Variants in GPHN observed in about 807,000 individuals in gnomAD.
GPHN encodes gephyrin.
A neutral mutation model predicts 95.5 loss-of-function variants in GPHN; 17 were observed. That is an observed-to-expected ratio of 0.18 (90% confidence interval 0.12 to 0.27). The LOEUF (loss-of-function observed/expected upper bound fraction) is 0.27, where lower values mean the gene tolerates loss of function less well. Ranked by LOEUF, GPHN falls within the 10% of genes least tolerant of loss-of-function variation. The pLI is 1.00. For missense variants in GPHN, 660 were observed against 978.1 expected (o/e 0.67, Z 4.34); for synonymous variants, 320 against 322.5 (o/e 0.99, Z 0.08).
intron 18 of GPHN, among the ~76,000 whole-genome samples, chr14:67,154,813 T>TCTC (rs1337319970): frequency 2.0e-5 from 3 of 151,454 alleles, no homozygotes; most frequent in Admixed American, 2.0e-4. Flanking sequence ...TTGGACCAAT[T>TCTC]CTCCCACCAA....
At chr14:67,677,231 C>T in the GPHN span, 2 of 151,982 alleles carry the variant, frequency 1.3e-5, no homozygotes, top group Admixed American at 6.6e-5. Context: ...TTGGCACAGA[C>T]ATTTTAATCT....
chr14:66,819,031 G>A (rs1393855630), intron 3 of GPHN, among the ~76,000 whole-genome samples: 1 of 152,156 alleles, frequency 6.6e-6, no homozygotes, highest in Non-Finnish European at 1.5e-5. Context: ...CTCCCATTCT[G>A]TAGGTTGTCT....
chr14:67,380,613 G>A, the GPHN span: 2 of 1,093,572 alleles, frequency 1.8e-6, no homozygotes, highest in Non-Finnish European at 2.6e-6. Context: ...ACATTTATCA[G>A]TAATATAACC....
chr14:66,805,365 A>G (rs982978984), intron 3 of GPHN, among the ~76,000 whole-genome samples: 1 of 152,126 alleles, frequency 6.6e-6, no homozygotes, highest in Non-Finnish European at 1.5e-5. Flanking sequence ...CAATCAAACC[A>G]TATCATTTCA....
At chr14:67,528,940 T>C in the GPHN span, among the ~76,000 whole-genome samples, 42,664 of 151,964 alleles carry the variant, frequency 0.28, 6,639 homozygotes, top group South Asian at 0.36. Flanking sequence ...GAGGTTAGAT[T>C]TGGAATCACT....
the GPHN span, among the ~76,000 whole-genome samples, chr14:67,486,601 C>G: frequency 1.3e-5 from 2 of 152,140 alleles, no homozygotes. Context: ...GGGAGAGTTT[C>G]CCTGCACAAG....
chr14:67,473,186 G>A, the GPHN span: 2 of 568,376 alleles, frequency 3.5e-6, no homozygotes, highest in Non-Finnish European at 6.2e-6. The surrounding 1 kb of genome is among the most constrained non-coding windows in gnomAD (Gnocchi z 6.5). Context: ...ACTGGGCCGC[G>A]ATCCATGGAC....
chr14:66,829,364 A>G (rs1386077716), intron 4 of GPHN, among the ~76,000 whole-genome samples: 1 of 152,176 alleles, frequency 6.6e-6, no homozygotes, highest in Non-Finnish European at 1.5e-5. Context: ...CTGAGATTAC[A>G]GGCATGAACC....
chr14:66,758,390 G>A (rs550585731), intron 2 of GPHN, among the ~76,000 whole-genome samples: 1 of 152,116 alleles, frequency 6.6e-6, no homozygotes, highest in Non-Finnish European at 1.5e-5. Context: ...GAATGAAGAC[G>A]ATCTTAACTG....
At chr14:67,137,348 T>C (rs2080150502) in intron 17 of GPHN, among the ~76,000 whole-genome samples, 1 of 151,764 alleles carries the variant, frequency 6.6e-6, no homozygotes, top group Admixed American at 6.5e-5. Context: ...GGTTTCACCA[T>C]GTTAACCAGA....
At chr14:67,332,670 C>T in the GPHN span, 1 of 1,120,554 alleles carries the variant, frequency 8.9e-7, no homozygotes, top group East Asian at 2.6e-5. Context: ...TTGGGAGAGA[C>T]AGAAGGAAAG....
chr14:67,507,788 G>T, the GPHN span, among the ~76,000 whole-genome samples: 96,531 of 151,898 alleles, frequency 0.64, 32,860 homozygotes, highest in Non-Finnish European at 0.77. Context: ...CATAGGAATG[G>T]TGAGTATAAG....
the GPHN span, chr14:67,692,621 G>A: frequency 6.6e-7 from 1 of 1,519,854 alleles, no homozygotes; most frequent in South Asian, 1.3e-5. Flanking sequence ...AAAGAGAAAT[G>A]GTCAGCTCTG....
chr14:67,722,335 TA>T, the GPHN span: 1 of 485,344 alleles, frequency 2.1e-6, no homozygotes, highest in African/African-American at 2.0e-5. Flanking sequence ...ATGGGGGGTT[TA>T]GGGGGTACTT....
chr14:66,653,543 A>C (rs2065155977), intron 1 of GPHN, among the ~76,000 whole-genome samples: 1 of 152,156 alleles, frequency 6.6e-6, no homozygotes, highest in African/African-American at 2.4e-5. Context: ...TTTCATCAAC[A>C]CAAGGATCCC....
At chr14:66,612,935 A>G (rs901361851) in intron 1 of GPHN, among the ~76,000 whole-genome samples, 1 of 152,078 alleles carries the variant, frequency 6.6e-6, no homozygotes, top group Non-Finnish European at 1.5e-5. Flanking sequence ...TATAATTTGT[A>G]TATCCATTTG....
the GPHN span, among the ~76,000 whole-genome samples, chr14:67,438,428 G>C: frequency 6.9e-3 from 1,050 of 152,304 alleles, 19 homozygotes; most frequent in African/African-American, 0.024. Flanking sequence ...TTAGAGGTAG[G>C]AGCTTTGGAG....
chr14:67,490,197 C>A, the GPHN span, among the ~76,000 whole-genome samples: 1 of 152,158 alleles, frequency 6.6e-6, no homozygotes, highest in East Asian at 1.9e-4. Context: ...AGGCCACCAT[C>A]ACAGATGAGC....
the GPHN span, chr14:67,312,484 T>G: frequency 7.3e-7 from 1 of 1,378,726 alleles, no homozygotes; most frequent in Non-Finnish European, 9.7e-7. Context: ...TGAAACATTT[T>G]ATATTGCCAT....
Sources: gnomAD v4.1 joint callset for allele counts (sites outside exome capture counted in the v4.1 genomes callset) on GRCh38, gnomAD v4.1.1 for gene constraint, Gnocchi (gnomAD v3.1) non-coding constraint, MANE v1.5 for transcripts, NCBI Gene and HGNC (gene_info 2026-07-23, HGNC 2026-07-21) for gene names.